CARM1: variants seen among roughly 807,000 people sequenced by gnomAD.
CARM1 encodes histone-arginine methyltransferase CARM1.
A neutral mutation model predicts 72.7 loss-of-function variants in CARM1; 14 were observed. The observed-to-expected ratio is 0.19, with a 90% confidence interval of 0.13 to 0.30. CARM1 has a LOEUF of 0.30. CARM1 is among the 10% of genes least tolerant of loss of function. The probability of loss-of-function intolerance (pLI) is 1.00; values close to 1 mark genes in which losing one functional copy is unlikely to be tolerated. For synonymous variants in CARM1, 333 were observed against 345.5 expected, an observed-to-expected ratio of 0.96 and a Z score of 0.40; for missense variants, 432 against 833.7, an observed-to-expected ratio of 0.52 and a Z score of 5.93.
chr19:10,873,626 T>TG (rs2073837929), intron 1 of CARM1, among the ~76,000 whole-genome samples: 2 of 53,588 alleles, frequency 3.7e-5, no homozygotes, highest in African/African-American at 1.5e-4. Context: ...TTAGTTTAGT[T>TG]TTTTTTTTTT....
intron 4 of CARM1, among the ~76,000 whole-genome samples, chr19:10,910,062 C>T (rs1343307848): frequency 2.0e-5 from 3 of 151,920 alleles, no homozygotes; most frequent in African/African-American, 4.8e-5. Context: ...TACTGCTCTC[C>T]AGGCTGAGCC....
Position 10,922,547 on chromosome 19 carries a change from G to C in CARM1, c.*790G>C, listed in dbSNP as rs952620546. 1.3e-5 allele frequency: 2 copies of C among 151,270 alleles called. No individual in the cohort carries two copies. 9.4% of individuals were successfully genotyped at this position (151,270 alleles called of 1,614,324 possible). A position where few individuals can be genotyped will look rare whatever the true frequency, so the allele number is the denominator to read the frequency against. ...GGAAGGCCACTGCCGGCCACTTGGG[G>C]CAGACACAGACACCTCAAGGATCTG... On this transcript the variant is annotated 3_prime_UTR_variant, in exon 16 of 16. Coordinates refer to ENST00000327064, the MANE Select transcript of CARM1 (RefSeq NM_199141.2).
At chr19:10,894,716 GTTTTTTTTTTTTTTCTCTCTCTCTCTTTT>G (rs2074011842) in intron 1 of CARM1, among the ~76,000 whole-genome samples, 1 of 135,962 alleles carries the variant, frequency 7.4e-6, no homozygotes, top group Non-Finnish European at 1.6e-5. Context: ...ACCTCCTTGT[GTTTTTTTTTTTTTTCTCTCTCTCTCTTTT>G]TTTTTTTCTT....
intron 4 of CARM1, among the ~76,000 whole-genome samples, chr19:10,910,846 G>C (rs2074144489): frequency 6.6e-6 from 1 of 151,846 alleles, no homozygotes; most frequent in Non-Finnish European, 1.5e-5. Context: ...TTACAGGCAT[G>C]AGCCACTGCA....
At chr19:10,872,024 G>A (rs2073822796) in intron 1 of CARM1, 102 bp downstream of exon 1, 3 of 990,740 alleles carry the variant, frequency 3.0e-6, no homozygotes, top group African/African-American at 1.7e-5. Flanking sequence ...GGGGCCTGGC[G>A]TGGGGTCCCC....
chr19:10,872,557 G>C (rs1181816722), intron 1 of CARM1, among the ~76,000 whole-genome samples: 2 of 152,136 alleles, frequency 1.3e-5, no homozygotes, highest in Non-Finnish European at 2.9e-5. Context: ...TGGAAACGTG[G>C]ACGGGACGGG....
chr19:10,889,517 C>T (rs1266336953), intron 1 of CARM1, among the ~76,000 whole-genome samples: 2 of 142,270 alleles, frequency 1.4e-5, no homozygotes, highest in Non-Finnish European at 3.0e-5. Context: ...TTAGTAGAGA[C>T]GGGGTTTCTC....
At chr19:10,881,460 C>G (rs548758452) in intron 1 of CARM1, among the ~76,000 whole-genome samples, 3 of 152,298 alleles carry the variant, frequency 2.0e-5, no homozygotes, top group African/African-American at 7.2e-5. Context: ...GCCAGGACAT[C>G]TCTCCAGGGA....
chr19:10,918,484 A>G lies in CARM1; in HGVS notation c.1021-1111A>G, dbSNP rs184624387. Among the ~76,000 whole-genome samples the G allele has an allele frequency of 6.6e-5, 10 of 152,226 alleles. No individual in the cohort carries two copies. In the East Asian group the frequency reaches 1.7e-3, roughly 26 times the overall value. ...GTGATCCGTCCGCCTCGGCCTCCCA[A>G]AGTGCTGGGATTATAGGCATAAGCC... On this transcript the variant is annotated intron_variant, in intron 8 of 15. Transcript: ENST00000327064.
chr19:10,915,132 T>C lies in CARM1; in HGVS notation c.847+1078T>C, dbSNP rs1392036763. Among the ~76,000 whole-genome samples, 2 of 152,134 alleles carry C rather than the reference T, an allele frequency of 1.3e-5. No individual in the cohort carries two copies. Among genetic ancestry groups the C allele is most frequent in the Non-Finnish European group, 2.9e-5 (2 of 68,010 alleles). On this transcript the variant is annotated intron_variant, in intron 6 of 15. Transcript: ENST00000327064. The surrounding 1 kb of genome is among the most constrained non-coding windows in gnomAD (Gnocchi z 4.6). ...TCTGGCCCGCCCTGGATCCAGGCCC[T>C]AGGGTCCTGGCTGGCTGTGCTCCTG...
intron 2 of CARM1, among the ~76,000 whole-genome samples, chr19:10,906,201 G>A (rs1372266272): frequency 6.6e-6 from 1 of 151,868 alleles, no homozygotes; most frequent in African/African-American, 2.4e-5. Context: ...TGATCCACCC[G>A]CCTCAGCCTC....
chr19:10,912,830 T>C lies in CARM1; in HGVS notation c.669+536T>C, dbSNP rs1004134353. On this transcript the variant is annotated intron_variant, in intron 5 of 15. Transcript: ENST00000327064. This position sits in a 1 kb window ranked among gnomAD's most constrained non-coding sequence, Gnocchi z 4.5. Reference sequence around the variant, plus strand: ...GTGCCCAGCCGTGCCGCTGTTGCTTTAGCTGCATTGTGTCCGCAGCGACAC... The same window carrying C: ...GTGCCCAGCCGTGCCGCTGTTGCTTCAGCTGCATTGTGTCCGCAGCGACAC... 1.3e-5 allele frequency among the ~76,000 whole-genome samples: 2 copies of C among 152,198 alleles called. No individual in the cohort carries two copies. Among genetic ancestry groups the C allele is most frequent in the Non-Finnish European group, 2.9e-5 (2 of 68,040 alleles).
At position 10,912,175 on chromosome 19, in the gene CARM1, C is replaced by G; in HGVS notation, c.559-9C>G. On this transcript the variant is annotated splice_polypyrimidine_tract_variant and intron_variant, in intron 4 of 15. Coordinates refer to ENST00000327064, the MANE Select transcript of CARM1 (RefSeq NM_199141.2). This position sits in a 1 kb window ranked among gnomAD's most constrained non-coding sequence, Gnocchi z 4.5. ...TATGTCTCGCTCTCACCTCCCACTCCTCCCTCAGATCGTTCTTGATGTTGG... is the reference window on the plus strand; with the variant it reads ...TATGTCTCGCTCTCACCTCCCACTCGTCCCTCAGATCGTTCTTGATGTTGG... 1 of 1,610,790 alleles carries G rather than the reference C, an allele frequency of 6.2e-7. No homozygotes were observed. The highest frequency in any genetic ancestry group is 8.5e-7 in the Non-Finnish European group (1 of 1,176,898).
Position 10,912,766 on chromosome 19 carries a change from G to T in CARM1, c.669+472G>T, listed in dbSNP as rs370877829. Among the ~76,000 whole-genome samples the T allele has an allele frequency of 2.6e-5, 4 of 151,966 alleles. No individual in the cohort carries two copies. The highest frequency in any genetic ancestry group is 9.7e-5 in the African/African-American group (4 of 41,370). On this transcript the variant is annotated intron_variant, in intron 5 of 15. Coordinates refer to ENST00000327064, the MANE Select transcript of CARM1 (RefSeq NM_199141.2). The surrounding 1 kb of genome is among the most constrained non-coding windows in gnomAD (Gnocchi z 4.5). ...TCTGGGGTCGCCGGGGTCGTGGAGG[G>T]GCCATCTTTGTTCTGTCTTGCCGCC...
intron 1 of CARM1, among the ~76,000 whole-genome samples, chr19:10,889,074 G>A (rs114962364): frequency 1.0e-3 from 153 of 152,306 alleles, no homozygotes; most frequent in African/African-American, 3.3e-3. Context: ...AGTTCAGGGG[G>A]CTTTCTCCAG....
chr19:10,920,784 C>T lies in CARM1; in HGVS notation c.1424+36C>T, dbSNP rs2074236954. The T allele has an allele frequency of 1.9e-6, 3 of 1,613,376 alleles. No individual in the cohort carries two copies. The highest frequency in any genetic ancestry group is 2.5e-6 in the Non-Finnish European group (3 of 1,179,326). On this transcript the variant is annotated intron_variant, in intron 12 of 15. Coordinates refer to ENST00000327064, the MANE Select transcript of CARM1 (RefSeq NM_199141.2). This position sits in a 1 kb window ranked among gnomAD's most constrained non-coding sequence, Gnocchi z 5.3. ...CCCCTTGCCTGCACAGGGGGGCGCCCCGGCCCTGCAACCCCCTTGCCCCTG... is the reference window on the plus strand; with the variant it reads ...CCCCTTGCCTGCACAGGGGGGCGCCTCGGCCCTGCAACCCCCTTGCCCCTG...
At position 10,908,019 on chromosome 19, in the gene CARM1, A is replaced by T. The variant is rs1275462257; in HGVS notation, c.347-20A>T. 1.3e-6 allele frequency: 2 copies of T among 1,566,398 alleles called. No individual in the cohort carries two copies. Among genetic ancestry groups the T allele is most frequent in the Non-Finnish European group, 1.8e-6 (2 of 1,136,996 alleles). On this transcript the variant is annotated intron_variant, in intron 2 of 15. Transcript: ENST00000327064. ...CTGGGTTGCTGACCGCCCCCCGGTGACTTGGCTTCCCTGTTCCAGATTTCT... is the reference window on the plus strand; with the variant it reads ...CTGGGTTGCTGACCGCCCCCCGGTGTCTTGGCTTCCCTGTTCCAGATTTCT...
At chr19:10,894,729 TTCTC>T (rs1226313626) in intron 1 of CARM1, among the ~76,000 whole-genome samples, 24 of 150,678 alleles carry the variant, frequency 1.6e-4, no homozygotes, top group South Asian at 8.4e-4. Flanking sequence ...TTTTTTTTTT[TTCTC>T]TCTCTCTCTT....
At chr19:10,882,787 C>T (rs2073912146) in intron 1 of CARM1, among the ~76,000 whole-genome samples, 1 of 152,062 alleles carries the variant, frequency 6.6e-6, no homozygotes, top group African/African-American at 2.4e-5. Context: ...AGTGGATCTG[C>T]CCGCCTTGGT....
Sources: allele counts gnomAD v4.1 joint callset (sites outside exome capture counted in the v4.1 genomes callset), GRCh38; gene constraint gnomAD v4.1.1; non-coding constraint Gnocchi (gnomAD v3.1); transcripts MANE v1.5; gene names NCBI Gene and HGNC (gene_info 2026-07-23, HGNC 2026-07-21).